Variants in CNTNAP2 observed in about 807,000 individuals in gnomAD.
The protein encoded by CNTNAP2 is contactin associated protein 2.
A neutral mutation model predicts 155.2 loss-of-function variants in CNTNAP2; 98 were observed. The observed-to-expected ratio is 0.63, with a 90% CI of 0.54 to 0.75. The LOEUF (loss-of-function observed/expected upper bound fraction) is 0.75, where lower values mean the gene tolerates loss of function less well. Among genes scored for constraint, CNTNAP2 ranks in the 30% least tolerant of loss-of-function variants. The probability of loss-of-function intolerance (pLI) is 0.00; values close to 1 mark genes in which losing one functional copy is unlikely to be tolerated. For missense variants in CNTNAP2, 1,727 were observed against 1,688.1 expected (o/e 1.02, Z -0.40); for synonymous variants, 651 against 631.2 (o/e 1.03, Z -0.47).
chr7:148,240,070 C>T (rs1796117920), intron 20 of CNTNAP2, among the ~76,000 whole-genome samples: 1 of 152,174 alleles, frequency 6.6e-6, no homozygotes, highest in Non-Finnish European at 1.5e-5. Context: ...CAGATGGTCA[C>T]CAAAACCATT....
intron 1 of CNTNAP2, 96 bp from the exon 2 acceptor site, chr7:146,774,175 C>A: frequency 1.2e-6 from 1 of 832,808 alleles, no homozygotes; most frequent in Non-Finnish European, 2.0e-6. Flanking sequence ...ACATAAAAGA[C>A]ATATCAGATT....
At chr7:147,713,792 G>C (rs777519543) in intron 13 of CNTNAP2, among the ~76,000 whole-genome samples, 8 of 152,120 alleles carry the variant, frequency 5.3e-5, no homozygotes, top group Non-Finnish European at 1.0e-4. Context: ...CAGCATCTTA[G>C]TCATTCTAAT....
At chr7:146,443,008 A>C (rs1724481) in intron 1 of CNTNAP2, among the ~76,000 whole-genome samples, 65,224 of 151,540 alleles carry the variant, frequency 0.43, 16,964 homozygotes, top group African/African-American at 0.73. Context: ...AAATCGAGAC[A>C]ATCCTGGCTA....
At chr7:148,153,282 C>T (rs113276681) in intron 17 of CNTNAP2, among the ~76,000 whole-genome samples, 1,628 of 150,104 alleles carry the variant, frequency 0.011, 15 homozygotes, top group Non-Finnish European at 0.015. Flanking sequence ...CCTCACTGCA[C>T]ATCTAAAATA....
chr7:148,342,379 T>A (rs1026575477), intron 21 of CNTNAP2, among the ~76,000 whole-genome samples: 2 of 151,556 alleles, frequency 1.3e-5, no homozygotes, highest in Non-Finnish European at 2.9e-5. Context: ...TTCTCAACTT[T>A]AAAAAAAAAT....
chr7:146,456,649 C>G (rs910876327), intron 1 of CNTNAP2, among the ~76,000 whole-genome samples: 4 of 152,126 alleles, frequency 2.6e-5, no homozygotes, highest in African/African-American at 9.7e-5. Flanking sequence ...CCAAACTTCC[C>G]AAGTTCTCCT....
intron 1 of CNTNAP2, among the ~76,000 whole-genome samples, chr7:146,402,123 C>T (rs1643230728): frequency 6.6e-6 from 1 of 152,114 alleles, no homozygotes; most frequent in Admixed American, 6.5e-5. Context: ...ATCTTTTATA[C>T]AATTTACATT....
chr7:147,440,886 G>A (rs1797625623), intron 10 of CNTNAP2, among the ~76,000 whole-genome samples: 1 of 151,980 alleles, frequency 6.6e-6, no homozygotes, highest in Admixed American at 6.6e-5. Context: ...CTGCTTTTAG[G>A]ATCCTTTCTT....
intron 3 of CNTNAP2, among the ~76,000 whole-genome samples, chr7:146,907,085 G>C (rs1317985775): frequency 6.6e-6 from 1 of 151,624 alleles, no homozygotes; most frequent in African/African-American, 2.4e-5. Context: ...AATGAAGCGA[G>C]AAGGGAAGTT....
chr7:148,095,870 T>C (rs1480256109), intron 15 of CNTNAP2, among the ~76,000 whole-genome samples: 1 of 152,228 alleles, frequency 6.6e-6, no homozygotes, highest in Non-Finnish European at 1.5e-5. Flanking sequence ...AATTTTCTAA[T>C]ACACAGTGGA....
chr7:147,102,282 G>GAAAAAAAAAAAAA lies in CNTNAP2; in HGVS notation c.551-5862_551-5850dup, dbSNP rs555981471. 1.0e-3 allele frequency among the ~76,000 whole-genome samples: 116 copies of GAAAAAAAAAAAAA among 110,576 alleles called. 2 individuals are homozygous for GAAAAAAAAAAAAA. The highest frequency in any genetic ancestry group is 2.8e-3 in the African/African-American group (80 of 28,236). 72.5% of individuals were successfully genotyped at this position (110,576 alleles called of 152,430 possible). On this transcript the variant is annotated intron_variant, in intron 4 of 23. Coordinates refer to ENST00000361727, the MANE Select transcript of CNTNAP2 (RefSeq NM_014141.6). ...GTCGCTAAATGTAGGTAGGCAAAAA[G>GAAAAAAAAAAAAA]AAAAAAAAAAAAAAAGAAGCTCAAG...
intron 2 of CNTNAP2, among the ~76,000 whole-genome samples, chr7:146,828,030 C>T (rs906833812): frequency 3.3e-5 from 5 of 151,882 alleles, no homozygotes; most frequent in Non-Finnish European, 7.4e-5. Context: ...ATTTTTTGTA[C>T]ATTCTCTAAA....
chr7:146,468,188 A>G lies in CNTNAP2; in HGVS notation c.98-306083A>G, dbSNP rs1796742817. Among the ~76,000 whole-genome samples, 5 of 152,312 alleles carry G rather than the reference A, an allele frequency of 3.3e-5. No individual in the cohort carries two copies. In the South Asian group the frequency reaches 1.0e-3, roughly 32 times the overall value. ...AAAGTCAACGAAGAAAACTAAGAAT[A>G]ATAACACAGTATGATAAAGACCGTG... On this transcript the variant is annotated intron_variant, in intron 1 of 23. Transcript: ENST00000361727.
chr7:148,353,719 T>A (rs548140609), intron 21 of CNTNAP2, among the ~76,000 whole-genome samples: 1 of 152,272 alleles, frequency 6.6e-6, no homozygotes, highest in African/African-American at 2.4e-5. Context: ...AACTTCCAAT[T>A]TAAATGTTCT....
At chr7:148,081,485 T>C (rs1803602566) in intron 15 of CNTNAP2, among the ~76,000 whole-genome samples, 1 of 152,052 alleles carries the variant, frequency 6.6e-6, no homozygotes, top group Non-Finnish European at 1.5e-5. Context: ...TAGACTGGCC[T>C]AGCCTCCCAG....
At chr7:147,381,391 A>G (rs1312195371) in intron 9 of CNTNAP2, among the ~76,000 whole-genome samples, 1 of 152,190 alleles carries the variant, frequency 6.6e-6, no homozygotes, top group Non-Finnish European at 1.5e-5. Flanking sequence ...TTACACTTAT[A>G]AGAAAAAATC....
At chr7:147,841,614 A>C (rs970565107) in intron 13 of CNTNAP2, among the ~76,000 whole-genome samples, 6 of 152,258 alleles carry the variant, frequency 3.9e-5, no homozygotes, top group Non-Finnish European at 5.9e-5. Context: ...TGAGGAACAC[A>C]GGATATTCAG....
At chr7:147,576,212 T>C (rs866989227) in intron 12 of CNTNAP2, among the ~76,000 whole-genome samples, 12 of 152,228 alleles carry the variant, frequency 7.9e-5, no homozygotes, top group African/African-American at 2.4e-4. Flanking sequence ...GTCTGGTATA[T>C]GTCAGCACTA....
intron 3 of CNTNAP2, among the ~76,000 whole-genome samples, chr7:147,032,056 T>C (rs542964425): frequency 6.6e-6 from 1 of 152,312 alleles, no homozygotes; most frequent in East Asian, 1.9e-4. Flanking sequence ...TTCTATATCT[T>C]GATAGGGAGT....
Sources: allele counts gnomAD v4.1 joint callset (sites outside exome capture counted in the v4.1 genomes callset), GRCh38; gene constraint gnomAD v4.1.1; transcripts MANE v1.5; gene names NCBI Gene and HGNC (gene_info 2026-07-23, HGNC 2026-07-21).